The following SYNPR variants were observed in gnomAD, a reference collection of about 807,000 sequenced individuals.
The protein encoded by SYNPR is synaptoporin.
SYNPR carries 23 observed loss-of-function variants against 32.9 expected under a neutral mutation model. The ratio of observed to expected loss-of-function variants is 0.70; its 90% CI spans 0.50 to 0.99. The LOEUF (loss-of-function observed/expected upper bound fraction) is 0.99. Ranked by LOEUF, SYNPR falls within the 50% of genes least tolerant of loss-of-function variation. The pLI is 0.00. For missense variants in SYNPR, 318 were observed against 349.3 expected, an observed-to-expected ratio of 0.91 and a Z score of 0.71; for synonymous variants, 146 against 135.9, an observed-to-expected ratio of 1.07 and a Z score of -0.52.
At chr3:63,211,132 G>A in the SYNPR span, among the ~76,000 whole-genome samples, 5 of 152,084 alleles carry the variant, frequency 3.3e-5, no homozygotes, top group African/African-American at 7.2e-5. Context: ...GCAGTGGCGC[G>A]ATCTTGGCTC....
chr3:63,435,699 A>C (rs1700071738), intron 2 of SYNPR, among the ~76,000 whole-genome samples: 1 of 152,196 alleles, frequency 6.6e-6, no homozygotes, highest in Non-Finnish European at 1.5e-5. Context: ...ATTACATTGT[A>C]AGCTGAGATG....
At chr3:63,447,744 AT>A (rs34520499) in intron 2 of SYNPR, among the ~76,000 whole-genome samples, 20,888 of 146,548 alleles carry the variant, frequency 0.14, 1,877 homozygotes, top group East Asian at 0.37. Context: ...TTTTACTGTG[AT>A]TTTTTTTTTT....
At chr3:63,364,071 T>C (rs1215300819) in intron 2 of SYNPR, among the ~76,000 whole-genome samples, 2 of 152,190 alleles carry the variant, frequency 1.3e-5, no homozygotes, top group Non-Finnish European at 2.9e-5. Context: ...ATACTGGAGT[T>C]ACTATCTGCA....
intron 2 of SYNPR, among the ~76,000 whole-genome samples, chr3:63,439,361 C>T (rs537941056): frequency 1.3e-5 from 2 of 152,164 alleles, no homozygotes; most frequent in African/African-American, 4.8e-5. Context: ...GCAGTAGCAA[C>T]AATGTGAATA....
intron 4 of SYNPR, among the ~76,000 whole-genome samples, chr3:63,592,515 G>A (rs1042048417): frequency 1.3e-5 from 2 of 152,006 alleles, no homozygotes; most frequent in African/African-American, 2.4e-5. Flanking sequence ...AAAGGGCAAG[G>A]GAGAAACTAA....
chr3:63,535,801 G>T (rs757007156), intron 3 of SYNPR, among the ~76,000 whole-genome samples: 8 of 151,234 alleles, frequency 5.3e-5, no homozygotes, highest in Non-Finnish European at 8.8e-5. Flanking sequence ...ATGGAACATA[G>T]ACCATGTAAG....
At chr3:63,381,057 G>T (rs533386237) in intron 2 of SYNPR, among the ~76,000 whole-genome samples, 1 of 152,096 alleles carries the variant, frequency 6.6e-6, no homozygotes, top group African/African-American at 2.4e-5. Context: ...GGCCAGGGCA[G>T]TCGGGCAGGA....
chr3:63,458,764 A>G (rs1191754338), intron 2 of SYNPR, among the ~76,000 whole-genome samples: 1 of 152,108 alleles, frequency 6.6e-6, no homozygotes, highest in African/African-American at 2.4e-5. Flanking sequence ...TTCTTACCTT[A>G]CTGCCAGAGC....
chr3:63,504,185 C>A (rs1017651936), intron 3 of SYNPR, among the ~76,000 whole-genome samples: 33 of 151,884 alleles, frequency 2.2e-4, no homozygotes, highest in Admixed American at 1.5e-3. Flanking sequence ...TCTATGCATC[C>A]ACATGTAGGT....
At chr3:63,398,731 A>T (rs1486572121) in intron 2 of SYNPR, among the ~76,000 whole-genome samples, 1 of 152,086 alleles carries the variant, frequency 6.6e-6, no homozygotes, top group Admixed American at 6.6e-5. Context: ...AAAAGAAAAA[A>T]AAAAAAGTGT....
Position 63,555,618 on chromosome 3 carries a change from G to C in SYNPR, c.210-925G>C, listed in dbSNP as rs562087311. 8.5e-5 allele frequency among the ~76,000 whole-genome samples: 13 copies of C among 152,220 alleles called. No homozygotes were observed. The South Asian group carries it at 2.5e-3, about 29-fold the overall frequency. Reference sequence around the variant, plus strand: ...ATTGAGCCTGGATGCTATCCTGATAGAGTTTACTCACTAAAATAGAAGTTA... The same window carrying C: ...ATTGAGCCTGGATGCTATCCTGATACAGTTTACTCACTAAAATAGAAGTTA... On this transcript the variant is annotated intron_variant, in intron 3 of 5. Transcript: ENST00000478300.
chr3:63,480,564 T>C (rs1701026705), intron 2 of SYNPR, among the ~76,000 whole-genome samples: 1 of 152,192 alleles, frequency 6.6e-6, no homozygotes, highest in African/African-American at 2.4e-5. Flanking sequence ...ACGACAGCTC[T>C]TTACACACTC....
intron 2 of SYNPR, among the ~76,000 whole-genome samples, chr3:63,428,761 C>A (rs1343162678): frequency 6.6e-6 from 1 of 152,158 alleles, no homozygotes; most frequent in African/African-American, 2.4e-5. Flanking sequence ...AGCAGGCTAG[C>A]CTAGGCTTAT....
At chr3:63,239,485 C>T (rs2086223386) in intron 1 of SYNPR, among the ~76,000 whole-genome samples, 1 of 150,350 alleles carries the variant, frequency 6.7e-6, no homozygotes, top group African/African-American at 2.4e-5. Context: ...ACATGACACA[C>T]CTGACAATGG....
the SYNPR span, chr3:63,203,102 T>TATATATATA: frequency 7.6e-5 from 7 of 92,428 alleles, no homozygotes; most frequent in Non-Finnish European, 1.3e-4. Flanking sequence ...ATATATATAT[T>TATATATATA]TGCCACGTTT....
rs555634043 is a variant in SYNPR at position 63,391,834 on chromosome 3, G to A, written c.85-88998G>A. Among the ~76,000 whole-genome samples the A allele has an allele frequency of 8.8e-4, 134 of 152,284 alleles. 1 individual carries two copies. The highest frequency in any genetic ancestry group is 3.1e-3 in the African/African-American group (129 of 41,546). Reference sequence around the variant, plus strand: ...CCTGTGCTAACCCCATTTTACAGAAGAGGACACTGAGCTGATGAAAGTAAT... The same window carrying A: ...CCTGTGCTAACCCCATTTTACAGAAAAGGACACTGAGCTGATGAAAGTAAT... On this transcript the variant is annotated intron_variant, in intron 2 of 5. Transcript: ENST00000478300.
intron 2 of SYNPR, among the ~76,000 whole-genome samples, chr3:63,377,754 CTA>C (rs1213896963): frequency 2.0e-5 from 3 of 151,844 alleles, no homozygotes; most frequent in Non-Finnish European, 2.9e-5. Flanking sequence ...TCAGAATGTT[CTA>C]TGTTTCATGA....
chr3:63,573,947 G>T (rs1702935463), intron 4 of SYNPR, among the ~76,000 whole-genome samples: 1 of 152,124 alleles, frequency 6.6e-6, no homozygotes, highest in Admixed American at 6.6e-5. Context: ...CCACTGGTGG[G>T]TAAAAGCCAT....
the SYNPR span, among the ~76,000 whole-genome samples, chr3:63,204,520 T>C: frequency 6.6e-6 from 1 of 152,156 alleles, no homozygotes; most frequent in African/African-American, 2.4e-5. Flanking sequence ...CATTTTGAGG[T>C]ACTGGGGGTT....
Sources: gnomAD v4.1 joint callset for allele counts (sites outside exome capture counted in the v4.1 genomes callset) on GRCh38, gnomAD v4.1.1 for gene constraint, MANE v1.5 for transcripts, NCBI Gene and HGNC (gene_info 2026-07-23, HGNC 2026-07-21) for gene names.